The following ARID1B variants were observed in gnomAD, a reference collection of about 807,000 sequenced individuals.
ARID1B encodes AT-rich interactive domain-containing protein 1B.
ARID1B carries 30 observed loss-of-function variants against 212.3 expected under a neutral mutation model. The ratio of observed to expected loss-of-function variants is 0.14; its 90% CI spans 0.11 to 0.19. ARID1B has a LOEUF of 0.19. Ranked by LOEUF, ARID1B falls within the 10% of genes least tolerant of loss-of-function variation. ARID1B has a pLI of 1.00. For synonymous variants in ARID1B, 1,402 were observed against 1,301.7 expected, an observed-to-expected ratio of 1.08 and a Z score of -1.66; for missense variants, 2,891 against 3,204.0, an observed-to-expected ratio of 0.90 and a Z score of 2.36.
intron 2 of ARID1B, among the ~76,000 whole-genome samples, chr6:156,852,162 T>A (rs1397722213): frequency 6.6e-6 from 1 of 152,028 alleles, no homozygotes; most frequent in Non-Finnish European, 1.5e-5. Context: ...AAAAAAAAAT[T>A]TGAGGCCGGG....
At chr6:156,927,679 GAT>G in intron 3 of ARID1B, among the ~76,000 whole-genome samples, 1 of 152,308 alleles carries the variant, frequency 6.6e-6, no homozygotes, top group African/African-American at 2.4e-5. Context: ...CTGCTAACAT[GAT>G]AAATATTCTT....
At chr6:156,893,170 G>A (rs866860412) in intron 2 of ARID1B, among the ~76,000 whole-genome samples, 135 of 151,302 alleles carry the variant, frequency 8.9e-4, no homozygotes, top group African/African-American at 3.2e-3. Context: ...AGCCTCCTGA[G>A]CAGCTGGGAT....
At chr6:157,090,235 G>A (rs2128473521) in intron 5 of ARID1B, among the ~76,000 whole-genome samples, 1 of 152,310 alleles carries the variant, frequency 6.6e-6, no homozygotes, top group South Asian at 2.1e-4. Context: ...AATATTGAGA[G>A]GAGGGAGCTC....
intron 4 of ARID1B, among the ~76,000 whole-genome samples, chr6:156,997,000 G>A (rs1181329788): frequency 1.3e-5 from 2 of 152,178 alleles, no homozygotes; most frequent in Non-Finnish European, 2.9e-5. Flanking sequence ...AGTATGGTAT[G>A]CAGTCTGGTG....
rs74975327 is a variant in ARID1B, at chr6:156,924,759, A to G, written c.2137-10707A>G. On this transcript the variant is annotated intron_variant, in intron 3 of 19. Transcript: ENST00000636930. ...ATTATTTAGGTAATAAGTTATAGGG[A>G]GCTGAGATTCTTGGATGTTGTATAG... Among the ~76,000 whole-genome samples, 1,227 of 152,226 alleles carry G rather than the reference A, an allele frequency of 8.1e-3. 15 individuals carry two copies. The highest frequency in any genetic ancestry group is 0.028 in the African/African-American group (1,161 of 41,510).
intron 4 of ARID1B, among the ~76,000 whole-genome samples, chr6:156,989,220 G>GC (rs1159980063): frequency 2.6e-5 from 4 of 152,154 alleles, no homozygotes; most frequent in Non-Finnish European, 5.9e-5. Context: ...AGTCAGGTCA[G>GC]CCACACTATG....
intron 2 of ARID1B, among the ~76,000 whole-genome samples, chr6:156,899,957 G>A (rs942039773): frequency 6.6e-6 from 1 of 152,198 alleles, no homozygotes; most frequent in Non-Finnish European, 1.5e-5. Flanking sequence ...AAACATATGG[G>A]TGTTGAACGG....
intron 6 of ARID1B, among the ~76,000 whole-genome samples, chr6:157,113,647 C>T (rs1377730590): frequency 6.6e-6 from 1 of 152,198 alleles, no homozygotes; most frequent in Admixed American, 6.5e-5. Flanking sequence ...ATCCAATAAC[C>T]TCCCACCAGG....
chr6:157,070,622 G>T lies in ARID1B; in HGVS notation c.2248-14040G>T, dbSNP rs184061857. Among the ~76,000 whole-genome samples, 3 of 152,338 alleles carry T rather than the reference G, an allele frequency of 2.0e-5. No homozygotes were observed. In the East Asian group the frequency reaches 5.8e-4, roughly 29 times the overall value. On this transcript the variant is annotated intron_variant, in intron 4 of 19. Coordinates refer to ENST00000636930, the MANE Select transcript of ARID1B (RefSeq NM_001374828.1). ...GGTAGTCAATCAGGCCAGGAGTTCA[G>T]GTATGAAGTTCTGGAGCATGCGGCA...
Position 156,865,555 on chromosome 6 carries a change from C to T in ARID1B, c.1987-35821C>T, listed in dbSNP as rs117165198. Among the ~76,000 whole-genome samples, 405 of 152,210 alleles carry T rather than the reference C, an allele frequency of 2.7e-3. 1 individual carries two copies. Among genetic ancestry groups the T allele is most frequent in the Non-Finnish European group, 3.6e-3 (248 of 68,008 alleles). On this transcript the variant is annotated intron_variant, in intron 2 of 19. Transcript: ENST00000636930. ...TGTCTCAGTCCATTTTAGTTCATTTCCCCACGTACTCTGGCTCAATTATGG... is the reference window on the plus strand; with the variant it reads ...TGTCTCAGTCCATTTTAGTTCATTTTCCCACGTACTCTGGCTCAATTATGG...
At chr6:156,931,961 TAAA>T (rs56102774) in intron 3 of ARID1B, among the ~76,000 whole-genome samples, 7 of 97,392 alleles carry the variant, frequency 7.2e-5, no homozygotes, top group Admixed American at 3.4e-4. Context: ...GATTCCGTCT[TAAA>T]AAAAAAAAAA....
In ARID1B at chr6:156,900,660, G is replaced by A. The variant is rs1788851504; in HGVS notation, c.1987-716G>A. 5.9e-5 allele frequency among the ~76,000 whole-genome samples: 9 copies of A among 152,096 alleles called. No individual in the cohort carries two copies. In the South Asian group the frequency reaches 1.9e-3, roughly 32 times the overall value. On this transcript the variant is annotated intron_variant, in intron 2 of 19. Coordinates refer to ENST00000636930, the MANE Select transcript of ARID1B (RefSeq NM_001374828.1). Reference sequence around the variant, plus strand: ...AAAATATTCAAAAATACTATCCATGGTATATTTATTGCATGAGGAAGGATT... The same window carrying A: ...AAAATATTCAAAAATACTATCCATGATATATTTATTGCATGAGGAAGGATT...
intron 4 of ARID1B, among the ~76,000 whole-genome samples, chr6:156,969,203 A>T (rs759464089): frequency 6.6e-6 from 1 of 152,218 alleles, no homozygotes; most frequent in Admixed American, 6.5e-5. Flanking sequence ...CTGAGTAAAG[A>T]CATATCTTGC....
In ARID1B at chr6:157,174,202, C is replaced by T. The variant is rs554824950; in HGVS notation, c.3345+85C>T. The T allele has an allele frequency of 2.3e-4, 285 of 1,227,862 alleles. No individual in the cohort carries two copies. The African/African-American group carries it at 3.2e-3, about 14-fold the overall frequency. The allele number at this position is 1,227,862 out of a possible 1,614,324, so 76.1% of individuals were successfully genotyped here. ...TTCTCTCTTCACTGGTGTTGGCCGA[C>T]ACTTTTTTTTCATTTGGTCTCCTCT... On this transcript the variant is annotated intron_variant, in intron 10 of 19. Coordinates refer to ENST00000636930, the MANE Select transcript of ARID1B (RefSeq NM_001374828.1).
rs565854900 is a variant in ARID1B at position 157,209,994 on chromosome 6, A to C, written c.*2103A>C. 4.3e-6 allele frequency: 1 copy of C among 232,992 alleles called. No individual in the cohort carries two copies. Among genetic ancestry groups the C allele is most frequent in the Non-Finnish European group, 8.5e-6 (1 of 117,998 alleles). The allele number at this position is 232,992 out of a possible 1,614,324, so 14.4% of individuals were successfully genotyped here. On this transcript the variant is annotated 3_prime_UTR_variant, in exon 20 of 20. Coordinates refer to ENST00000636930, the MANE Select transcript of ARID1B (RefSeq NM_001374828.1). ...TCAGAATCCCCAGCCCCTCGCATAC[A>C]TTGTGTCGGTTCACATTACTCACAG...
chr6:157,023,030 G>A (rs1324780608), intron 4 of ARID1B: 1 of 152,180 alleles, frequency 6.6e-6, no homozygotes, highest in East Asian at 1.9e-4. Flanking sequence ...CTGTGTTTGT[G>A]ATCTGTATAC....
At chr6:157,073,174 C>T (rs1784095512) in intron 4 of ARID1B, among the ~76,000 whole-genome samples, 1 of 149,188 alleles carries the variant, frequency 6.7e-6, no homozygotes. Flanking sequence ...ACAATCTCGG[C>T]TCACTGCAAC....
chr6:157,184,203 C>T, intron 12 of ARID1B, 28 bp from the exon 13 acceptor site: 2 of 1,577,042 alleles, frequency 1.3e-6, no homozygotes, highest in Middle Eastern at 3.4e-4. Flanking sequence ...TTGTTGCAAA[C>T]CAATGATCCT....
intron 6 of ARID1B, among the ~76,000 whole-genome samples, chr6:157,113,807 C>A (rs1473163731): frequency 1.3e-5 from 2 of 152,202 alleles, no homozygotes; most frequent in Non-Finnish European, 2.9e-5. Context: ...TTTAAAATGA[C>A]TGTTACGTTA....
Sources: allele counts gnomAD v4.1 joint callset (sites outside exome capture counted in the v4.1 genomes callset), GRCh38; gene constraint gnomAD v4.1.1; transcripts MANE v1.5; gene names NCBI Gene and HGNC (gene_info 2026-07-23, HGNC 2026-07-21).